Variants in SNRPE observed in about 807,000 individuals in gnomAD.
The protein encoded by SNRPE is small nuclear ribonucleoprotein polypeptide E.
For synonymous variants in SNRPE, 35 were observed against 36.7 expected (o/e 0.95, Z 0.17); for missense variants, 53 against 111.6 (o/e 0.48, Z 2.36).
At position 203,869,921 on chromosome 1, in the gene SNRPE, G is replaced by A; in HGVS notation, c.268G>A (p.Val90Ile). The A allele has an allele frequency of 6.3e-7, 1 of 1,598,840 alleles. No individual in the cohort carries two copies. The highest frequency in any genetic ancestry group is 8.5e-7 in the Non-Finnish European group (1 of 1,169,712). ...KGDNITLLQSVSN is the reference protein window; with the variant it reads ...KGDNITLLQSISN ...AGATAATATTACTCTGCTACAAAGT[G>A]TCTCCAACTAGAAATGATCAATGAA... Residue 90 changes from valine (V) to isoleucine (I), a missense_variant, in exon 5 of 5, where the codon GTC becomes ATC. Physicochemically the swap from Val to Ile is conservative, Grantham distance 29. Transcript: ENST00000414487.
At chr1:203,869,306 T>G (rs1167649780) in intron 4 of SNRPE, among the ~76,000 whole-genome samples, 1 of 132,464 alleles carries the variant, frequency 7.5e-6, no homozygotes, top group African/African-American at 2.8e-5. Flanking sequence ...TTTTTTTTTT[T>G]TTTTTTTTTT....
intron 4 of SNRPE, among the ~76,000 whole-genome samples, chr1:203,867,291 A>C (rs1371842746): frequency 9.7e-5 from 9 of 92,894 alleles, no homozygotes; most frequent in Non-Finnish European, 7.1e-5. Context: ...AAAAAAAAAA[A>C]AAAAACAGTG....
chr1:203,864,888 A>AT (rs1690056299), intron 3 of SNRPE, among the ~76,000 whole-genome samples, 153 bp from the exon 4 acceptor site: 3 of 150,326 alleles, frequency 2.0e-5, no homozygotes, highest in Admixed American at 6.6e-5. Flanking sequence ...AAAAAAAAAA[A>AT]AAAAAAAAAA....
chr1:203,865,449 G>A (rs1413179403), intron 4 of SNRPE, among the ~76,000 whole-genome samples: 1 of 152,156 alleles, frequency 6.6e-6, no homozygotes. Context: ...CCGTGTCTGA[G>A]TGGCAGGAAA....
intron 4 of SNRPE, among the ~76,000 whole-genome samples, chr1:203,868,895 C>G (rs1572407453): frequency 6.6e-6 from 1 of 152,160 alleles, no homozygotes; most frequent in Non-Finnish European, 1.5e-5. Flanking sequence ...GTCTCGAATC[C>G]TAAGCTCAGG....
At chr1:203,869,796 CA>C in intron 4 of SNRPE, 80 bp from the exon 5 acceptor site, 1 of 975,624 alleles carries the variant, frequency 1.0e-6, no homozygotes, top group Non-Finnish European at 1.6e-6. Flanking sequence ...AAATATTGTT[CA>C]AAAACTGGAT....
In SNRPE at chr1:203,870,483, G is replaced by C. The variant is rs1216715513; in HGVS notation, c.*551G>C. The C allele has an allele frequency of 2.0e-5, 3 of 152,196 alleles. No homozygotes were observed. The East Asian group carries it at 5.8e-4, about 29-fold the overall frequency. The allele number at this position is 152,196 out of a possible 1,614,324, so 9.4% of individuals were successfully genotyped here. On this transcript the variant is annotated 3_prime_UTR_variant, in exon 5 of 5. Coordinates refer to ENST00000414487, the MANE Select transcript of SNRPE (RefSeq NM_003094.4). ...TAAGATCAGAATGTGAGAAGTATTT[G>C]GATATAGGGAAAGAATGAAGTGCCT...
chr1:203,868,491 C>T (rs1690141007), intron 4 of SNRPE, among the ~76,000 whole-genome samples: 1 of 152,128 alleles, frequency 6.6e-6, no homozygotes, highest in South Asian at 2.1e-4. Context: ...GTTAAATGCT[C>T]ACTAATACTT....
intron 4 of SNRPE, among the ~76,000 whole-genome samples, chr1:203,869,332 A>G (rs1690165280): frequency 1.4e-5 from 1 of 69,604 alleles, no homozygotes; most frequent in Non-Finnish European, 2.6e-5. Context: ...TTGGAGATGA[A>G]TTTTGCTCTT....
At chr1:203,866,301 G>GT (rs780157373) in intron 4 of SNRPE, among the ~76,000 whole-genome samples, 68 of 152,298 alleles carry the variant, frequency 4.5e-4, no homozygotes, top group Non-Finnish European at 7.4e-4. Flanking sequence ...TTATACTTGG[G>GT]TTTTTATTTT....
intron 2 of SNRPE, among the ~76,000 whole-genome samples, chr1:203,863,084 CTAAT>C (rs1169369416): frequency 1.3e-5 from 2 of 150,594 alleles, no homozygotes; most frequent in Non-Finnish European, 2.9e-5. Context: ...TAGATATGGG[CTAAT>C]TAGTTAAAAC....
rs148378993 is a variant in SNRPE, at chr1:203,861,643, C to T, written c.-17C>T. ...CTCAGAGGCAGCGTGCGGGTGTGCT[C>T]TTTGTGAAATTCCACCATGGCGTAC... On this transcript the variant is annotated 5_prime_UTR_variant, in exon 1 of 5. Coordinates refer to ENST00000414487, the MANE Select transcript of SNRPE (RefSeq NM_003094.4). 2.3e-4 allele frequency: 371 copies of T among 1,609,386 alleles called. 2 individuals carry two copies. In the East Asian group the frequency reaches 7.9e-3, roughly 34 times the overall value.
At chr1:203,868,962 C>T (rs114688037) in intron 4 of SNRPE, among the ~76,000 whole-genome samples, 3 of 152,350 alleles carry the variant, frequency 2.0e-5, no homozygotes, top group African/African-American at 4.8e-5. Flanking sequence ...AGCCACCATA[C>T]CCAGCCGGGT....
At position 203,864,853 on chromosome 1, in the gene SNRPE, G is replaced by A. The variant is rs988905669; in HGVS notation, c.145-188G>A. On this transcript the variant is annotated intron_variant, in intron 3 of 4. Coordinates refer to ENST00000414487, the MANE Select transcript of SNRPE (RefSeq NM_003094.4). ...GGTTGCACCACTGCACTCTAGCCTG[G>A]AAGACAAAGTGAGATCCTTTCTCAA... Among the ~76,000 whole-genome samples the A allele has an allele frequency of 3.1e-5, 4 of 130,436 alleles. No individual in the cohort carries two copies. In the Admixed American group the frequency reaches 3.6e-4, roughly 12 times the overall value. The allele number at this position is 130,436 out of a possible 152,430, so 85.6% of individuals were successfully genotyped here.
intron 2 of SNRPE, 118 bp downstream of exon 2, chr1:203,862,340 A>T (rs1329926000): frequency 2.7e-6 from 2 of 753,458 alleles, no homozygotes; most frequent in African/African-American, 3.5e-5. Context: ...GTAACTGGAG[A>T]TTGGAGGGTA....
intron 4 of SNRPE, among the ~76,000 whole-genome samples, chr1:203,867,799 C>T (rs1572406669): frequency 6.7e-6 from 1 of 150,308 alleles, no homozygotes; most frequent in South Asian, 2.1e-4. Context: ...GGTCTGTGGC[C>T]CAGGGGTTAG....
chr1:203,864,999 A>G, intron 3 of SNRPE, 42 bp from the exon 4 acceptor site: 17 of 1,581,558 alleles, frequency 1.1e-5, no homozygotes, highest in African/African-American at 1.4e-5. Flanking sequence ...AATGGTTTGA[A>G]TGTGATTTTC....
At chr1:203,862,015 TG>T in intron 1 of SNRPE, 180 bp from the exon 2 acceptor site, 1 of 624,132 alleles carries the variant, frequency 1.6e-6, no homozygotes, top group South Asian at 1.9e-5. Flanking sequence ...GAAAGTGGAA[TG>T]GATGTTCTTT....
At chr1:203,862,314 G>C in intron 2 of SNRPE, 92 bp downstream of exon 2, 1 of 909,340 alleles carries the variant, frequency 1.1e-6, no homozygotes, top group Non-Finnish European at 1.8e-6. Context: ...CTGTGTTCTA[G>C]AATTTAAAAA....
Sources: gnomAD v4.1 joint callset for allele counts (sites outside exome capture counted in the v4.1 genomes callset) on GRCh38, gnomAD v4.1.1 for gene constraint, MANE v1.5 for transcripts, NCBI Gene and HGNC (gene_info 2026-07-23, HGNC 2026-07-21) for gene names.